The following LPP variants were observed in gnomAD, a reference collection of about 807,000 sequenced individuals.
LPP encodes the protein LIM domain containing preferred translocation partner in lipoma, also known as lipoma-preferred partner.
In LPP, 38 loss-of-function variants were observed where a neutral mutation model predicts 60.4. That is an observed-to-expected ratio of 0.63 (90% CI 0.49 to 0.83). LPP has a LOEUF of 0.83. LPP is among the 40% of genes least tolerant of loss of function. LPP has a pLI of 0.00. For missense variants in LPP, 902 were observed against 783.6 expected, an observed-to-expected ratio of 1.15 and a Z score of -1.80; for synonymous variants, 328 against 290.8, an observed-to-expected ratio of 1.13 and a Z score of -1.30.
intron 6 of LPP, among the ~76,000 whole-genome samples, chr3:188,607,311 T>A (rs1842588934): frequency 6.7e-6 from 1 of 149,976 alleles, no homozygotes; most frequent in African/African-American, 2.4e-5. Flanking sequence ...TTCCATTGTG[T>A]ATGTGTGAGC....
intron 2 of LPP, among the ~76,000 whole-genome samples, chr3:188,323,294 T>C (rs1757465141): frequency 6.6e-6 from 1 of 152,184 alleles, no homozygotes; most frequent in African/African-American, 2.4e-5. Context: ...GAAAGCACAG[T>C]GTGGGTAACT....
At chr3:188,411,255 A>C (rs1271498373) in intron 4 of LPP, among the ~76,000 whole-genome samples, 1 of 152,222 alleles carries the variant, frequency 6.6e-6, no homozygotes, top group Non-Finnish European at 1.5e-5. Context: ...TCATAATTAA[A>C]AAAATAATAA....
At chr3:188,535,789 T>G (rs1823418240) in intron 6 of LPP, among the ~76,000 whole-genome samples, 1 of 152,120 alleles carries the variant, frequency 6.6e-6, no homozygotes, top group Admixed American at 6.5e-5. Flanking sequence ...TGAGATAACA[T>G]AAGAAAGAAA....
At chr3:188,180,486 A>C (rs1254576137) in intron 1 of LPP, 1 of 154,320 alleles carries the variant, frequency 6.5e-6, no homozygotes, top group African/African-American at 2.4e-5. Context: ...GAACCTCCTT[A>C]TATTCCCTCA....
intron 1 of LPP, chr3:188,208,192 C>G (rs1356309628): frequency 6.6e-6 from 1 of 152,228 alleles, no homozygotes; most frequent in Non-Finnish European, 1.5e-5. Context: ...TGACTTGGCT[C>G]TTTTCAGGAA....
chr3:188,228,951 A>G (rs142235430), intron 2 of LPP, among the ~76,000 whole-genome samples: 52 of 152,322 alleles, frequency 3.4e-4, no homozygotes, highest in African/African-American at 1.2e-3. Context: ...CATCTTGAAT[A>G]TAAAGAAAAA....
At chr3:188,484,478 C>T (rs1579256929) in intron 4 of LPP, 114 bp from the exon 5 acceptor site, 6 of 699,548 alleles carry the variant, frequency 8.6e-6, no homozygotes, top group East Asian at 7.5e-5. Context: ...TGCTATACAA[C>T]ACAAAATTAT....
chr3:188,393,434 G>A (rs971435840), intron 3 of LPP, among the ~76,000 whole-genome samples: 1 of 151,988 alleles, frequency 6.6e-6, no homozygotes, highest in Non-Finnish European at 1.5e-5. Context: ...AGTATGGGAG[G>A]GCTTTAGCCA....
rs571142082 is a variant in LPP at position 188,882,427 on chromosome 3, T to G, written c.*7948T>G. ...GGCATAGAGGAAGCCTGAGGAAGTA[T>G]TTACTTGCTTTTCCCATCTCTTTAT... On this transcript the variant is annotated 3_prime_UTR_variant, in exon 12 of 12. Coordinates refer to ENST00000617246, the MANE Select transcript of LPP (RefSeq NM_001375462.1). 1 of 226,818 alleles carries G rather than the reference T, an allele frequency of 4.4e-6. No individual in the cohort carries two copies. Among genetic ancestry groups the G allele is most frequent in the Admixed American group, 5.7e-5 (1 of 17,578 alleles). The allele number at this position is 226,818 out of a possible 1,614,324, so 14.1% of individuals were successfully genotyped here. A position where few individuals can be genotyped will look rare whatever the true frequency, so the allele number is the denominator to read the frequency against.
intron 9 of LPP, among the ~76,000 whole-genome samples, chr3:188,761,560 G>A (rs1732362885): frequency 6.6e-6 from 1 of 152,216 alleles, no homozygotes. Flanking sequence ...CTTTAGCAAT[G>A]AGAATGCCAA....
intron 5 of LPP, among the ~76,000 whole-genome samples, chr3:188,485,796 C>CAAAAAAAAAAAAAAAAAAAAAAAAAA (rs766522013): frequency 7.5e-5 from 3 of 40,158 alleles, no homozygotes; most frequent in African/African-American, 3.2e-4. Flanking sequence ...GACTCCGTCT[C>CAAAAAAAAAAAAAAAAAAAAAAAAAA]AAAAAAAAAA....
chr3:188,617,357 C>T (rs1845049358), intron 7 of LPP, among the ~76,000 whole-genome samples: 1 of 152,070 alleles, frequency 6.6e-6, no homozygotes, highest in Non-Finnish European at 1.5e-5. Flanking sequence ...CAGTTCTTCT[C>T]TATATTGGTT....
intron 2 of LPP, among the ~76,000 whole-genome samples, chr3:188,340,181 C>T (rs375044224): frequency 7.2e-5 from 11 of 152,136 alleles, no homozygotes; most frequent in African/African-American, 2.7e-4. Flanking sequence ...TTTTTATCTG[C>T]TCCATGTTAA....
intron 1 of LPP, among the ~76,000 whole-genome samples, chr3:188,203,503 A>ATT (rs1731954953): frequency 1.6e-5 from 1 of 63,764 alleles, no homozygotes; most frequent in African/African-American, 5.8e-5. Flanking sequence ...ATATATATAA[A>ATT]TATATATATT....
chr3:188,387,645 C>T (rs1030907723), intron 3 of LPP, among the ~76,000 whole-genome samples: 19 of 150,938 alleles, frequency 1.3e-4, no homozygotes, highest in Non-Finnish European at 2.5e-4. Flanking sequence ...CAGCTCACTG[C>T]AACCTCCGCC....
rs540038427 is a variant in LPP at position 188,223,395 on chromosome 3, C to G, written c.-189-2010C>G. Reference sequence around the variant, plus strand: ...TATAGCATGTAATTCTCCTTGGAAACTTACCACGAAATTGAGAAGCACTTT... The same window carrying G: ...TATAGCATGTAATTCTCCTTGGAAAGTTACCACGAAATTGAGAAGCACTTT... On this transcript the variant is annotated intron_variant, in intron 1 of 11. Coordinates refer to ENST00000617246, the MANE Select transcript of LPP (RefSeq NM_001375462.1). Among the ~76,000 whole-genome samples, 3 of 152,316 alleles carry G rather than the reference C, an allele frequency of 2.0e-5. No homozygotes were observed. In the East Asian group the frequency reaches 5.8e-4, roughly 29 times the overall value.
At chr3:188,394,107 T>C (rs549666272) in intron 3 of LPP, among the ~76,000 whole-genome samples, 1 of 152,354 alleles carries the variant, frequency 6.6e-6, no homozygotes, top group South Asian at 2.1e-4. Context: ...AAAATTTATC[T>C]TTAATATTTG....
At chr3:188,759,239 C>G (rs1454741615) in intron 8 of LPP, 1 of 152,184 alleles carries the variant, frequency 6.6e-6, no homozygotes, top group African/African-American at 2.4e-5. Flanking sequence ...ATTTTAAAAA[C>G]TGAAACCTGA....
chr3:188,181,461 C>A (rs990198042), intron 1 of LPP, among the ~76,000 whole-genome samples: 1 of 152,130 alleles, frequency 6.6e-6, no homozygotes, highest in South Asian at 2.1e-4. Context: ...TCTTTCTACC[C>A]TACAGGTTGC....
Sources: allele counts gnomAD v4.1 joint callset (sites outside exome capture counted in the v4.1 genomes callset), GRCh38; gene constraint gnomAD v4.1.1; transcripts MANE v1.5; gene names NCBI Gene and HGNC (gene_info 2026-07-23, HGNC 2026-07-21).